SNTG1: variants seen among roughly 807,000 people sequenced by gnomAD.
SNTG1 encodes the protein syntrophin gamma 1.
SNTG1 carries 39 observed loss-of-function variants against 74.7 expected under a neutral mutation model. The observed-to-expected ratio is 0.52, with a 90% CI of 0.40 to 0.68. The LOEUF is 0.68. Ranked by LOEUF, SNTG1 falls within the 30% of genes least tolerant of loss-of-function variation. SNTG1 has a pLI of 0.00. For synonymous variants in SNTG1, 254 were observed against 217.1 expected, an observed-to-expected ratio of 1.17 and a Z score of -1.49; for missense variants, 685 against 609.5, an observed-to-expected ratio of 1.12 and a Z score of -1.30.
intron 18 of SNTG1, 57 bp downstream of exon 18, chr8:50,752,168 AC>A (rs1378121778): frequency 1.1e-6 from 1 of 952,086 alleles, no homozygotes; most frequent in African/African-American, 1.7e-5. Context: ...CCATTAAGGA[AC>A]AAAGAGGGGA....
At chr8:50,545,436 A>G (rs546569261) in intron 11 of SNTG1, among the ~76,000 whole-genome samples, 4 of 149,894 alleles carry the variant, frequency 2.7e-5, no homozygotes, top group Non-Finnish European at 5.9e-5. Flanking sequence ...ATGCAAAATG[A>G]GCATATAAAT....
intron 2 of SNTG1, among the ~76,000 whole-genome samples, chr8:50,178,531 A>G (rs1192914506): frequency 6.6e-6 from 1 of 152,198 alleles, no homozygotes; most frequent in Non-Finnish European, 1.5e-5. Flanking sequence ...CAAATGAATT[A>G]TAAAGAGAAG....
intron 18 of SNTG1, among the ~76,000 whole-genome samples, chr8:50,781,321 A>G (rs2095658711): frequency 6.6e-6 from 1 of 152,004 alleles, no homozygotes; most frequent in East Asian, 1.9e-4. Flanking sequence ...GTCTCCCATT[A>G]TTATTGTGTG....
intron 13 of SNTG1, among the ~76,000 whole-genome samples, chr8:50,611,078 C>G (rs191681446): frequency 1.3e-5 from 2 of 151,798 alleles, no homozygotes; most frequent in African/African-American, 2.4e-5. Context: ...TATATAGTCA[C>G]GAGGGAGGCA....
chr8:50,180,579 C>A (rs2083165612), intron 2 of SNTG1, among the ~76,000 whole-genome samples: 2 of 152,010 alleles, frequency 1.3e-5, no homozygotes, highest in Admixed American at 1.3e-4. Flanking sequence ...AAAAGAAATG[C>A]AAGAGAAAAT....
chr8:50,757,709 ATATTTCT>A (rs2131723607), intron 18 of SNTG1, among the ~76,000 whole-genome samples: 1 of 152,082 alleles, frequency 6.6e-6, no homozygotes, highest in South Asian at 2.1e-4. Context: ...AATATCCACA[ATATTTCT>A]TATCCTTGTG....
In SNTG1 at chr8:50,006,406, G is replaced by A. The variant is rs142560074; in HGVS notation, c.-103+94175G>A. 5.8e-4 allele frequency among the ~76,000 whole-genome samples: 88 copies of A among 152,170 alleles called. 2 individuals are homozygous for A. In the East Asian group the frequency reaches 0.016, roughly 28 times the overall value. The stretch of plus-strand genomic sequence containing the variant: ...GTCAGATAATTGTAATTTGTGATTT[G>A]TTTAATTATTGGTGTTCTGTGATTG... On this transcript the variant is annotated intron_variant, in intron 1 of 18. Transcript: ENST00000642720.
chr8:50,063,736 CT>C (rs78751567), intron 1 of SNTG1, among the ~76,000 whole-genome samples: 5 of 151,920 alleles, frequency 3.3e-5, no homozygotes, highest in African/African-American at 4.8e-5. Flanking sequence ...GACTTAATAG[CT>C]TTTTTTTAAA....
At chr8:50,193,003 G>T (rs2083630698) in intron 2 of SNTG1, among the ~76,000 whole-genome samples, 1 of 152,032 alleles carries the variant, frequency 6.6e-6, no homozygotes, top group South Asian at 2.1e-4. Flanking sequence ...TGTTTCATTG[G>T]TCTGTGTGCC....
chr8:49,977,852 A>G (rs1482359097), intron 1 of SNTG1, among the ~76,000 whole-genome samples: 1 of 152,224 alleles, frequency 6.6e-6, no homozygotes, highest in Non-Finnish European at 1.5e-5. Flanking sequence ...CAGACTCTGT[A>G]GTGGAGATGT....
chr8:50,107,610 G>C (rs189946995), intron 1 of SNTG1, among the ~76,000 whole-genome samples: 1 of 151,866 alleles, frequency 6.6e-6, no homozygotes, highest in East Asian at 1.9e-4. Context: ...GAGTGGAGTG[G>C]CATGATCTTG....
At chr8:50,115,308 T>C (rs1450548792) in intron 1 of SNTG1, among the ~76,000 whole-genome samples, 1 of 151,946 alleles carries the variant, frequency 6.6e-6, no homozygotes, top group Non-Finnish European at 1.5e-5. Flanking sequence ...GGCTCATGCC[T>C]GTAATCCCAG....
At chr8:50,499,517 C>T (rs1385682464) in intron 8 of SNTG1, among the ~76,000 whole-genome samples, 2 of 150,470 alleles carry the variant, frequency 1.3e-5, no homozygotes, top group African/African-American at 4.9e-5. Flanking sequence ...AATATAGATA[C>T]CTAAATTTTT....
chr8:50,509,196 G>C (rs970701177), intron 9 of SNTG1, among the ~76,000 whole-genome samples: 2 of 152,114 alleles, frequency 1.3e-5, no homozygotes, highest in Non-Finnish European at 2.9e-5. Flanking sequence ...CCCATTGCTT[G>C]TTTTTGTCAG....
At chr8:50,380,769 G>A (rs1440457849) in intron 2 of SNTG1, among the ~76,000 whole-genome samples, 2 of 152,170 alleles carry the variant, frequency 1.3e-5, no homozygotes, top group Admixed American at 1.3e-4. Flanking sequence ...TTGCAAAGAT[G>A]AAGTTTAATC....
At chr8:50,079,860 A>G (rs1822244096) in intron 1 of SNTG1, among the ~76,000 whole-genome samples, 1 of 152,068 alleles carries the variant, frequency 6.6e-6, no homozygotes, top group African/African-American at 2.4e-5. Context: ...ATGGTTGTAG[A>G]TGTGTGGTGT....
At chr8:50,301,975 G>T (rs2089670520) in intron 2 of SNTG1, among the ~76,000 whole-genome samples, 1 of 151,930 alleles carries the variant, frequency 6.6e-6, no homozygotes, top group African/African-American at 2.4e-5. Flanking sequence ...TCCTGCCTCA[G>T]CCTCCTAAAT....
intron 1 of SNTG1, among the ~76,000 whole-genome samples, chr8:49,943,441 T>G (rs985282057): frequency 7.2e-5 from 11 of 152,380 alleles, no homozygotes; most frequent in African/African-American, 2.6e-4. Flanking sequence ...TTCACATCTC[T>G]GAAACTGCTA....
At chr8:50,371,646 A>G (rs1411886842) in intron 2 of SNTG1, among the ~76,000 whole-genome samples, 1 of 152,146 alleles carries the variant, frequency 6.6e-6, no homozygotes, top group Non-Finnish European at 1.5e-5. Context: ...GTCTTTTACT[A>G]TTATTGTGTT....
Sources: allele counts gnomAD v4.1 joint callset (sites outside exome capture counted in the v4.1 genomes callset), GRCh38; gene constraint gnomAD v4.1.1; transcripts MANE v1.5; gene names NCBI Gene and HGNC (gene_info 2026-07-23, HGNC 2026-07-21).